CSMD1: variants seen among roughly 807,000 people sequenced by gnomAD.
The protein encoded by CSMD1 is CUB and sushi domain-containing protein 1.
CSMD1 carries 213 observed loss-of-function variants against 417.5 expected under a neutral mutation model. That is an observed-to-expected ratio of 0.51 (90% CI 0.46 to 0.57). The LOEUF (loss-of-function observed/expected upper bound fraction) is 0.57, where lower values mean the gene tolerates loss of function less well. Ranked by LOEUF, CSMD1 falls within the 20% of genes least tolerant of loss-of-function variation. CSMD1 has a pLI of 0.00. For missense variants in CSMD1, 6,923 were observed against 4,529.7 expected, an observed-to-expected ratio of 1.53 and a Z score of -15.17; for synonymous variants, 2,862 against 1,736.8, an observed-to-expected ratio of 1.65 and a Z score of -16.11.
chr8:4,433,558 C>A (rs1563168004), intron 2 of CSMD1, among the ~76,000 whole-genome samples: 1 of 152,124 alleles, frequency 6.6e-6, no homozygotes, highest in East Asian at 1.9e-4. Context: ...TGGAAGCAGA[C>A]ATGTGCTGCA....
At chr8:4,504,909 T>C (rs1332152095) in intron 2 of CSMD1, among the ~76,000 whole-genome samples, 2 of 152,184 alleles carry the variant, frequency 1.3e-5, no homozygotes, top group Non-Finnish European at 2.9e-5. Flanking sequence ...TGGTTCCAAG[T>C]CTTTGTTATT....
Position 4,031,944 on chromosome 8 carries a change from T to C in CSMD1, c.571A>G (p.Asn191Asp), listed in dbSNP as rs758452920. ...GCTGGGAAGTCCCACGATGCACCAT[T>C]TCCTGGGCTGACGATGCAGGTCAGG... is the stretch of plus-strand genomic sequence containing the variant. ...AILTCIVSPG[N>D]GASWDFPAPF... Residue 191 changes from asparagine (N) to aspartate (D), a missense_variant, in exon 4 of 70, where the codon AAT becomes GAT. Transcript: ENST00000635120. 5 of 1,613,908 alleles carry C rather than the reference T, an allele frequency of 3.1e-6. No homozygotes were observed. The South Asian group carries it at 5.5e-5, about 18-fold the overall frequency.
chr8:4,123,909 A>G (rs969901418), intron 3 of CSMD1, among the ~76,000 whole-genome samples: 6 of 152,226 alleles, frequency 3.9e-5, no homozygotes, highest in African/African-American at 7.2e-5. Flanking sequence ...AGATTTCACA[A>G]TCTCTTACAA....
chr8:3,675,245 T>G (rs150696359), intron 7 of CSMD1, among the ~76,000 whole-genome samples: 1 of 152,170 alleles, frequency 6.6e-6, no homozygotes. Context: ...TTGGTCTTCA[T>G]TGACCTGGCT....
chr8:4,152,823 G>C (rs1220229989), intron 3 of CSMD1, among the ~76,000 whole-genome samples: 3 of 152,168 alleles, frequency 2.0e-5, no homozygotes, highest in African/African-American at 4.8e-5. Flanking sequence ...TATAGTGAGA[G>C]AGTAGGGAAT....
rs1006731827 is a variant in CSMD1, at chr8:4,729,700, G to C, written c.86-92142C>G. ...TAGCTGTTGTTTGAAAGTTCCAGTG[G>C]CTTTTCAAAGCTGTGCTTACAACTC... On this transcript the variant is annotated intron_variant, in intron 1 of 69. Coordinates refer to ENST00000635120, the MANE Select transcript of CSMD1 (RefSeq NM_033225.6). 2.6e-5 allele frequency among the ~76,000 whole-genome samples: 4 copies of C among 152,296 alleles called. No homozygotes were observed. The East Asian group carries it at 7.7e-4, about 29-fold the overall frequency.
intron 8 of CSMD1, among the ~76,000 whole-genome samples, 173 bp from the exon 9 acceptor site, chr8:3,586,433 G>T (rs756342939): frequency 1.3e-5 from 2 of 152,150 alleles, no homozygotes; most frequent in Non-Finnish European, 2.9e-5. Flanking sequence ...ATTTAGCAAA[G>T]GTTATAAAAT....
At chr8:4,790,208 T>G (rs559780207) in intron 1 of CSMD1, among the ~76,000 whole-genome samples, 1 of 151,936 alleles carries the variant, frequency 6.6e-6, no homozygotes, top group African/African-American at 2.4e-5. Flanking sequence ...GAGAGCCAAA[T>G]CTGAGAGCAC....
At chr8:3,418,567 T>C (rs1813300086) in intron 12 of CSMD1, among the ~76,000 whole-genome samples, 1 of 152,140 alleles carries the variant, frequency 6.6e-6, no homozygotes, top group African/African-American at 2.4e-5. Flanking sequence ...TATAAAAGCA[T>C]TGATTTTGAG....
At chr8:3,108,132 C>T (rs1816264253) in intron 44 of CSMD1, among the ~76,000 whole-genome samples, 3 of 152,186 alleles carry the variant, frequency 2.0e-5, no homozygotes, top group Admixed American at 6.5e-5. Context: ...GATTTGATAA[C>T]GTCTGCCCTG....
intron 2 of CSMD1, among the ~76,000 whole-genome samples, chr8:4,481,574 A>ATT (rs1048085022): frequency 1.3e-5 from 2 of 152,152 alleles, no homozygotes; most frequent in African/African-American, 4.8e-5. Flanking sequence ...CTAAGCTAAT[A>ATT]TTTTTCACGT....
intron 1 of CSMD1, among the ~76,000 whole-genome samples, chr8:4,871,888 T>C (rs1371060505): frequency 2.0e-5 from 3 of 152,106 alleles, no homozygotes; most frequent in Admixed American, 2.0e-4. Context: ...GGATGACACC[T>C]GTCTTTCCTT....
At chr8:3,991,921 G>C (rs1814780169) in intron 5 of CSMD1, among the ~76,000 whole-genome samples, 1 of 151,870 alleles carries the variant, frequency 6.6e-6, no homozygotes, top group Non-Finnish European at 1.5e-5. Context: ...AGCAACTATT[G>C]TTTATATTTT....
At chr8:4,328,508 T>G (rs1799685409) in intron 3 of CSMD1, among the ~76,000 whole-genome samples, 1 of 152,080 alleles carries the variant, frequency 6.6e-6, no homozygotes, top group Non-Finnish European at 1.5e-5. Flanking sequence ...TCCTCCTGCT[T>G]TTTTGGTAAT....
intron 4 of CSMD1, among the ~76,000 whole-genome samples, chr8:4,016,759 G>C (rs2554600): frequency 0.34 from 51,265 of 152,016 alleles, 9,364 homozygotes; most frequent in East Asian, 0.48. Flanking sequence ...TAAGGGCTCT[G>C]TTGACCTAAG....
chr8:4,642,026 C>T (rs1453088507), intron 1 of CSMD1, among the ~76,000 whole-genome samples: 1 of 152,164 alleles, frequency 6.6e-6, no homozygotes, highest in Non-Finnish European at 1.5e-5. Flanking sequence ...TAAATACTTG[C>T]CAGTCCTGCA....
At chr8:3,931,737 A>G (rs1273651286) in intron 5 of CSMD1, among the ~76,000 whole-genome samples, 1 of 149,090 alleles carries the variant, frequency 6.7e-6, no homozygotes, top group Non-Finnish European at 1.5e-5. Context: ...TTTAATCTCA[A>G]TCCACACCAG....
chr8:3,314,151 A>G (rs1218568110), intron 23 of CSMD1, among the ~76,000 whole-genome samples: 1 of 152,192 alleles, frequency 6.6e-6, no homozygotes, highest in Admixed American at 6.5e-5. Context: ...GGATAGCATT[A>G]GGAGATATAC....
At chr8:4,194,801 G>T (rs757772181) in intron 3 of CSMD1, among the ~76,000 whole-genome samples, 35 of 151,610 alleles carry the variant, frequency 2.3e-4, no homozygotes, top group African/African-American at 8.0e-4. Context: ...AGACTCTTTG[G>T]TCACTATGAG....
Sources: gnomAD v4.1 joint callset for allele counts (sites outside exome capture counted in the v4.1 genomes callset) on GRCh38, gnomAD v4.1.1 for gene constraint, MANE v1.5 for transcripts, NCBI Gene and HGNC (gene_info 2026-07-23, HGNC 2026-07-21) for gene names.